Variants in PDE8B observed in about 807,000 individuals in gnomAD.
PDE8B encodes the protein phosphodiesterase 8B.
Under a neutral mutation model 101.3 loss-of-function variants are expected in PDE8B, and 26 were observed. That is an observed-to-expected ratio of 0.26 (90% CI 0.19 to 0.36). The LOEUF (loss-of-function observed/expected upper bound fraction) is 0.36. Ranked by LOEUF, PDE8B falls within the 10% of genes least tolerant of loss-of-function variation. The pLI, the probability that PDE8B is intolerant of heterozygous loss-of-function variation, is 1.00. For missense variants in PDE8B, 810 were observed against 1,163.1 expected, an observed-to-expected ratio of 0.70 and a Z score of 4.42; for synonymous variants, 424 against 429.3, an observed-to-expected ratio of 0.99 and a Z score of 0.15.
At chr5:77,346,137 A>T (rs1241149892) in intron 7 of PDE8B, among the ~76,000 whole-genome samples, 5 of 152,202 alleles carry the variant, frequency 3.3e-5, no homozygotes, top group African/African-American at 1.2e-4. Context: ...ATGTCTCCAA[A>T]GCCTTCCTAC....
intron 1 of PDE8B, among the ~76,000 whole-genome samples, chr5:77,250,595 T>C (rs927189953): frequency 2.6e-5 from 4 of 152,222 alleles, no homozygotes; most frequent in African/African-American, 9.6e-5. Context: ...AGGTCTCTTT[T>C]CCATGTGACG....
In PDE8B at chr5:77,426,458, G is replaced by T; in HGVS notation, c.2562G>T (p.Leu854=). ...CTGTCTTTGCAGCCTTTGCACATCT[G>T]CCAGCCCTGATGCAACATTTGGCTG... is the stretch of plus-strand genomic sequence containing the variant. ...MFDAWDAFAH[L]PALMQHLADN... is the part of the protein sequence containing the mutation. Residue 854 remains leucine, a synonymous_variant, in exon 22 of 22, where the codon CTG becomes CTT. Transcript: ENST00000264917. The T allele has an allele frequency of 6.2e-7, 1 of 1,611,316 alleles. No individual in the cohort carries two copies. The highest frequency in any genetic ancestry group is 8.5e-7 in the Non-Finnish European group (1 of 1,177,582).
chr5:77,319,447 A>G (rs1249488759), intron 2 of PDE8B, among the ~76,000 whole-genome samples: 2 of 152,206 alleles, frequency 1.3e-5, no homozygotes, highest in Admixed American at 1.3e-4. Context: ...GATAAACCCA[A>G]ATGACATTAT....
intron 1 of PDE8B, among the ~76,000 whole-genome samples, chr5:77,309,679 G>A (rs1368181792): frequency 6.6e-6 from 1 of 151,948 alleles, no homozygotes; most frequent in Non-Finnish European, 1.5e-5. Flanking sequence ...AAGTGTAGTG[G>A]TGTGATCTTG....
intron 18 of PDE8B, 53 bp downstream of exon 18, chr5:77,418,499 C>A: frequency 8.0e-7 from 1 of 1,257,842 alleles, no homozygotes; most frequent in African/African-American, 1.5e-5. Flanking sequence ...AAGTGGTTTT[C>A]CCAAATACTT....
At chr5:77,388,747 CT>C (rs1015678948) in intron 10 of PDE8B, among the ~76,000 whole-genome samples, 2 of 152,216 alleles carry the variant, frequency 1.3e-5, no homozygotes, top group East Asian at 1.9e-4. Context: ...GGAATGCTGC[CT>C]TTTTTTCAGA....
At chr5:77,321,142 ATTT>A (rs10538529) in intron 2 of PDE8B, among the ~76,000 whole-genome samples, 22 of 76,426 alleles carry the variant, frequency 2.9e-4, no homozygotes, top group African/African-American at 4.0e-4. Flanking sequence ...CAGTATCTCT[ATTT>A]TTTTTTTTTT....
chr5:77,154,508 A>G, the PDE8B span, among the ~76,000 whole-genome samples: 1 of 152,214 alleles, frequency 6.6e-6, no homozygotes, highest in Non-Finnish European at 1.5e-5. Flanking sequence ...AGAATCGGTC[A>G]TGAAACTGGG....
In PDE8B at chr5:77,402,854, A is replaced by T. The variant is rs368262311; in HGVS notation, c.1211-1866A>T. Among the ~76,000 whole-genome samples the T allele has an allele frequency of 2.0e-5, 3 of 152,226 alleles. No homozygotes were observed. The South Asian group carries it at 6.2e-4, about 32-fold the overall frequency. On this transcript the variant is annotated intron_variant, in intron 11 of 21. Transcript: ENST00000264917. The stretch of plus-strand genomic sequence containing the variant: ...CACAGTAGAAATTTGAATCTTGACG[A>T]TTTGGCTCTGGACCTGGTTTCCTTA...
the PDE8B span, among the ~76,000 whole-genome samples, chr5:77,154,918 C>T: frequency 2.6e-5 from 4 of 152,280 alleles, no homozygotes; most frequent in Admixed American, 6.5e-5. Context: ...GGACTCTCAG[C>T]GGTGGCAGGG....
At position 77,330,019 on chromosome 5, in the gene PDE8B, A is replaced by G. The variant is rs191379079; in HGVS notation, c.650+962A>G. On this transcript the variant is annotated intron_variant, in intron 4 of 21. Coordinates refer to ENST00000264917, the MANE Select transcript of PDE8B (RefSeq NM_003719.5). ...CTTCTCACTTTGTTTGATACCCACC[A>G]TGGGATGTGGTCCAGAGAAAGCAGA... Among the ~76,000 whole-genome samples, 23 of 152,230 alleles carry G rather than the reference A, an allele frequency of 1.5e-4. No individual in the cohort carries two copies. The East Asian group carries it at 3.5e-3, about 23-fold the overall frequency.
intron 9 of PDE8B, 32 bp downstream of exon 9, chr5:77,351,185 AAG>A (rs1561567963): frequency 6.6e-7 from 1 of 1,520,886 alleles, no homozygotes; most frequent in Non-Finnish European, 9.1e-7. Context: ...CTTTTAGCTG[AAG>A]ATAAAGACTC....
At position 77,315,960 on chromosome 5, in the gene PDE8B, CT is replaced by C. The variant is rs1203586782; in HGVS notation, c.399+3911del. Among the ~76,000 whole-genome samples the C allele has an allele frequency of 2.2e-4, 33 of 151,386 alleles. 1 individual carries two copies. In the East Asian group the frequency reaches 6.2e-3, roughly 28 times the overall value. On this transcript the variant is annotated intron_variant, in intron 2 of 21. Coordinates refer to ENST00000264917, the MANE Select transcript of PDE8B (RefSeq NM_003719.5). ...TTTATAACTTTATTTTGAGTAGCCT[CT>C]TTTAAGCAGCATATTGGGGTTTTTT...
chr5:77,265,589 A>G (rs1288521170), intron 1 of PDE8B, among the ~76,000 whole-genome samples: 1 of 152,192 alleles, frequency 6.6e-6, no homozygotes, highest in East Asian at 1.9e-4. Context: ...TCCATAAAAG[A>G]TAACTATCTT....
chr5:77,408,974 C>T lies in PDE8B; in HGVS notation c.1447C>T (p.Arg483Trp), dbSNP rs1441711806. ...CTTGGACAGAGTTCTAGAGATTTTA[C>T]GGACCACAGAACTGTACTCCCCTCA... is the stretch of plus-strand genomic sequence containing the variant. ...EALDRVLEIL[R>W]TTELYSPQLG... Residue 483 changes from arginine (R) to tryptophan (W), a missense_variant, in exon 14 of 22, where the codon CGG (arginine) becomes TGG (tryptophan). By Grantham distance (101) the Arg-to-Trp change is moderately radical. Transcript: ENST00000264917. 7 of 1,611,578 alleles carry T rather than the reference C, an allele frequency of 4.3e-6. No individual in the cohort carries two copies. The highest frequency in any genetic ancestry group is 2.2e-5 in the East Asian group (1 of 44,870).
intron 20 of PDE8B, among the ~76,000 whole-genome samples, 166 bp downstream of exon 20, chr5:77,422,154 C>T (rs941162988): frequency 1.3e-5 from 2 of 152,240 alleles, no homozygotes; most frequent in African/African-American, 4.8e-5. Context: ...CTGGTTCCTT[C>T]AGGAGCTGAC....
At chr5:77,390,196 A>G (rs1385661658) in intron 10 of PDE8B, among the ~76,000 whole-genome samples, 1 of 152,202 alleles carries the variant, frequency 6.6e-6, no homozygotes, top group Non-Finnish European at 1.5e-5. Flanking sequence ...ACACACAAAT[A>G]CCTAACTCAG....
chr5:77,100,696 G>A, the PDE8B span, among the ~76,000 whole-genome samples: 3 of 152,142 alleles, frequency 2.0e-5, no homozygotes, highest in Non-Finnish European at 4.4e-5. Context: ...GCTCCCTCCT[G>A]CTTGTTTAAA....
chr5:77,176,096 A>G, the PDE8B span, among the ~76,000 whole-genome samples: 45 of 152,180 alleles, frequency 3.0e-4, no homozygotes, highest in African/African-American at 1.1e-3. Flanking sequence ...TTCTTTTCCC[A>G]TATCTTTGCT....
Sources: allele counts gnomAD v4.1 joint callset (sites outside exome capture counted in the v4.1 genomes callset), GRCh38; gene constraint gnomAD v4.1.1; transcripts MANE v1.5; gene names NCBI Gene and HGNC (gene_info 2026-07-23, HGNC 2026-07-21).